PRH1: variants seen among roughly 807,000 people sequenced by gnomAD.
The protein encoded by PRH1 is salivary acidic proline-rich phosphoprotein 1/2.
PRH1 carries 7 observed loss-of-function variants against 7.9 expected under a neutral mutation model. The observed-to-expected ratio is 0.89, with a 90% CI of 0.50 to 1.67. The LOEUF (loss-of-function observed/expected upper bound fraction) is 1.67. PRH1 is among the 40% of genes most tolerant of loss of function. PRH1 has a pLI of 0.00. For synonymous variants in PRH1, 45 were observed against 80.8 expected, an observed-to-expected ratio of 0.56 and a Z score of 2.38; for missense variants, 109 against 223.6, an observed-to-expected ratio of 0.49 and a Z score of 3.27.
intron 2 of PRH1, among the ~76,000 whole-genome samples, chr12:10,922,560 T>C (rs1294120461): frequency 6.6e-6 from 1 of 152,228 alleles, no homozygotes; most frequent in Non-Finnish European, 1.5e-5. Context: ...GTTTCATGTG[T>C]ATTTGAATGT....
intron 1 of PRH1, among the ~76,000 whole-genome samples, chr12:11,020,299 C>T (rs1565556980): frequency 6.7e-6 from 1 of 149,212 alleles, no homozygotes; most frequent in Non-Finnish European, 1.5e-5. Context: ...CAAGAGAAAG[C>T]GAGACAGATA....
intron 1 of PRH1, among the ~76,000 whole-genome samples, chr12:11,129,883 G>A (rs1401134866): frequency 1.3e-5 from 2 of 152,252 alleles, no homozygotes; most frequent in African/African-American, 4.8e-5. Context: ...GGGCCCTGTG[G>A]CATATGACTG....
chr12:11,171,402 A>C, intron 1 of PRH1: 1 of 1,231,946 alleles, frequency 8.1e-7, no homozygotes. Context: ...CAGGGCCTCA[A>C]GCCCCGCCGC....
chr12:10,997,078 A>G (rs1193538195), intron 1 of PRH1: 2 of 1,613,960 alleles, frequency 1.2e-6, no homozygotes, highest in Non-Finnish European at 1.7e-6. Flanking sequence ...TGATTCCAAA[A>G]GCTTGGCAAA....
At chr12:11,115,158 AAC>A (rs1207887769) in intron 1 of PRH1, among the ~76,000 whole-genome samples, 1 of 152,160 alleles carries the variant, frequency 6.6e-6, no homozygotes, top group Non-Finnish European at 1.5e-5. Flanking sequence ...GCCTCTAAGA[AAC>A]ACACTTTGTC....
intron 1 of PRH1, among the ~76,000 whole-genome samples, chr12:11,139,878 T>A (rs1946656603): frequency 6.6e-6 from 1 of 152,126 alleles, no homozygotes; most frequent in African/African-American, 2.4e-5. Flanking sequence ...ATATGAAAAT[T>A]CCCATTGTTT....
intron 1 of PRH1, among the ~76,000 whole-genome samples, chr12:11,032,892 T>C (rs1942288141): frequency 6.6e-6 from 1 of 152,164 alleles, no homozygotes. Context: ...AGATTTGAGA[T>C]GGCTTCCATA....
intron 2 of PRH1, chr12:10,938,450 G>A (rs1950328192): frequency 1.4e-5 from 23 of 1,613,968 alleles, no homozygotes; most frequent in Non-Finnish European, 1.9e-5. Flanking sequence ...CCTTTCAGAG[G>A]TCCAAACTGA....
intron 1 of PRH1, among the ~76,000 whole-genome samples, chr12:11,065,102 TTC>T: frequency 6.6e-6 from 1 of 152,226 alleles, no homozygotes; most frequent in African/African-American, 2.4e-5. Context: ...CATTTTAAGT[TTC>T]TGTTTATCAA....
intron 2 of PRH1, among the ~76,000 whole-genome samples, chr12:10,890,341 G>A (rs572120684): frequency 2.0e-5 from 3 of 151,974 alleles, no homozygotes; most frequent in Non-Finnish European, 2.9e-5. Context: ...GCAGTGCATC[G>A]AATGGGTCCA....
exon 2 of PRH1, chr12:11,121,079 C>T (rs2708337): frequency 0.46 from 69,864 of 153,140 alleles, 16,757 homozygotes; most frequent in Non-Finnish European, 0.53. Context: ...TTTTAGTAAA[C>T]TGTATGTCTC....
intron 1 of PRH1, among the ~76,000 whole-genome samples, chr12:11,037,539 T>C (rs754442635): frequency 1.8e-4 from 28 of 152,230 alleles, no homozygotes; most frequent in Non-Finnish European, 3.8e-4. Context: ...TGGATATATT[T>C]ATTTAATTTA....
At chr12:10,960,417 T>G (rs1158342926) in intron 2 of PRH1, among the ~76,000 whole-genome samples, 1 of 152,240 alleles carries the variant, frequency 6.6e-6, no homozygotes, top group East Asian at 1.9e-4. Context: ...AGCATAAACT[T>G]AAATCGCACT....
At chr12:11,042,098 A>G (rs925947746) in intron 1 of PRH1, among the ~76,000 whole-genome samples, 11 of 152,128 alleles carry the variant, frequency 7.2e-5, no homozygotes, top group Non-Finnish European at 1.3e-4. Context: ...CAAACCCAAA[A>G]TTAGTAGAAC....
At chr12:11,158,831 C>A (rs1379040497) in intron 1 of PRH1, 1 of 152,084 alleles carries the variant, frequency 6.6e-6, no homozygotes, top group Non-Finnish European at 1.5e-5. Context: ...CCACAGTAGT[C>A]TCAAGGAGCT....
intron 2 of PRH1, among the ~76,000 whole-genome samples, chr12:10,963,548 G>C (rs1001103672): frequency 6.6e-6 from 1 of 152,158 alleles, no homozygotes; most frequent in Non-Finnish European, 1.5e-5. Flanking sequence ...CTCTGAAGCA[G>C]TTTAGGAAAG....
chr12:11,049,601 T>A (rs2888682), upstream of PRH1, among the ~76,000 whole-genome samples: 66,253 of 152,052 alleles, frequency 0.44, 15,303 homozygotes, highest in Non-Finnish European at 0.51. Flanking sequence ...GGCATTTTTT[T>A]AATTGTTTTG....
At chr12:10,916,538 T>C (rs1471962516) in intron 2 of PRH1, among the ~76,000 whole-genome samples, 1 of 151,918 alleles carries the variant, frequency 6.6e-6, no homozygotes, top group African/African-American at 2.4e-5. Flanking sequence ...CCATAGAAAA[T>C]AACAGTAACA....
At chr12:11,020,683 A>C (rs1407144246) in intron 1 of PRH1, among the ~76,000 whole-genome samples, 1 of 151,650 alleles carries the variant, frequency 6.6e-6, no homozygotes, top group Non-Finnish European at 1.5e-5. Flanking sequence ...TTTTTACATA[A>C]TTTTTAACAT....
Sources: allele counts gnomAD v4.1 joint callset (sites outside exome capture counted in the v4.1 genomes callset), GRCh38; gene constraint gnomAD v4.1.1; transcripts MANE v1.5; gene names NCBI Gene and HGNC (gene_info 2026-07-23, HGNC 2026-07-21).